COL4A5: variants seen among roughly 807,000 people sequenced by gnomAD.
The protein encoded by COL4A5 is collagen type IV alpha 5 chain, also known as collagen alpha-5(IV) chain.
A neutral mutation model predicts 130.2 loss-of-function variants in COL4A5; 26 were observed. The ratio of observed to expected loss-of-function variants is 0.20; its 90% confidence interval spans 0.15 to 0.28. The LOEUF is 0.28. COL4A5 is among the 10% of genes least tolerant of loss of function. The probability of loss-of-function intolerance (pLI) is 1.00; values close to 1 mark genes in which losing one functional copy is unlikely to be tolerated. For missense variants in COL4A5, 1,131 were observed against 1,344.3 expected, an observed-to-expected ratio of 0.84 and a Z score of 2.48; for synonymous variants, 496 against 439.6, an observed-to-expected ratio of 1.13 and a Z score of -1.60.
chrX:108,624,662 C>T (rs895437636), intron 34 of COL4A5, among the ~76,000 whole-genome samples: 1 of 112,043 alleles, frequency 8.9e-6, no homozygotes, highest in Non-Finnish European at 1.9e-5. Context: ...ACAATTATCT[C>T]ATGAAGGCCT....
chrX:108,673,871 G>A (rs994018466), intron 42 of COL4A5, among the ~76,000 whole-genome samples: 80 of 108,329 alleles, frequency 7.4e-4, no homozygotes, highest in Non-Finnish European at 1.2e-3. Flanking sequence ...GTAACACCCC[G>A]TTTCTACTAA....
chrX:108,557,836 C>G (rs1235622959), intron 2 of COL4A5, among the ~76,000 whole-genome samples: 1 of 110,583 alleles, frequency 9.0e-6, no homozygotes, highest in Non-Finnish European at 1.9e-5. Context: ...TGACCAGAGG[C>G]AGCCTTCGAG....
Position 108,584,522 on chromosome X carries a change from A to T in COL4A5, c.1029A>T (p.Gly343=), listed in dbSNP as rs1241128085. Residue 343 remains glycine (G), a synonymous_variant, in exon 18 of 53, where the codon GGA becomes GGT. Coordinates refer to ENST00000328300, the MANE Select transcript of COL4A5 (RefSeq NM_033380.3). ...ACACTGGCCCACCTGGACCTCCTGGACTTGTAAGTTTTTTTTTTTTAGTCT... is the reference window on the plus strand; with the variant it reads ...ACACTGGCCCACCTGGACCTCCTGGTCTTGTAAGTTTTTTTTTTTTAGTCT... ...KGDTGPPGPP[G]LVIPRPGTGI... The T allele has an allele frequency of 2.5e-6, 3 of 1,200,948 alleles. No individual in the cohort carries two copies. In the Admixed American group the frequency reaches 6.7e-5, roughly 27 times the overall value.
rs143743013 is a variant in COL4A5, at chrX:108,478,545, G to T, written c.81+38339G>T. ...GAGAACTTTGCCTCAGCTCTGCAAT[G>T]TATTGTCACCTAGTTGGCATTGTAT... On this transcript the variant is annotated intron_variant, in intron 1 of 52. Coordinates refer to ENST00000328300, the MANE Select transcript of COL4A5 (RefSeq NM_033380.3). Among the ~76,000 whole-genome samples, 153 of 111,557 alleles carry T rather than the reference G, an allele frequency of 1.4e-3. 1 individual carries two copies. Among genetic ancestry groups the T allele is most frequent in the African/African-American group, 4.9e-3 (150 of 30,704 alleles).
chrX:108,557,528 G>A (rs1441786219), intron 2 of COL4A5, among the ~76,000 whole-genome samples: 1 of 111,765 alleles, frequency 8.9e-6, no homozygotes. Context: ...GAAATGAAAA[G>A]TGGAAACTGA....
intron 43 of COL4A5, among the ~76,000 whole-genome samples, chrX:108,675,422 GT>G (rs1462270691): frequency 9.0e-6 from 1 of 111,449 alleles, no homozygotes; most frequent in Non-Finnish European, 1.9e-5. Context: ...TTGATTCACA[GT>G]TTATTTATTT....
At chrX:108,441,933 G>C (rs186470279) in intron 1 of COL4A5, among the ~76,000 whole-genome samples, 5 of 111,753 alleles carry the variant, frequency 4.5e-5, no homozygotes, top group South Asian at 7.6e-4. Context: ...CAAAACTTGA[G>C]AGCAAGCTTG....
At chrX:108,643,263 G>T (rs894108536) in intron 36 of COL4A5, among the ~76,000 whole-genome samples, 1 of 111,848 alleles carries the variant, frequency 8.9e-6, no homozygotes, top group African/African-American at 3.3e-5. Context: ...TGAGGAAGAA[G>T]AGAAATCTAA....
intron 37 of COL4A5, 49 bp downstream of exon 37, chrX:108,655,506 C>G: frequency 8.4e-7 from 1 of 1,187,087 alleles, no homozygotes; most frequent in Non-Finnish European, 1.1e-6. Context: ...CTTATCTACT[C>G]CAACCAGTAT....
intron 36 of COL4A5, among the ~76,000 whole-genome samples, chrX:108,639,205 T>G (rs1037991018): frequency 9.0e-6 from 1 of 110,883 alleles, no homozygotes; most frequent in Non-Finnish European, 1.9e-5. Flanking sequence ...AGACAGCAAA[T>G]AGACCAATGT....
chrX:108,483,228 T>C (rs2064909760), intron 1 of COL4A5, among the ~76,000 whole-genome samples: 2 of 109,523 alleles, frequency 1.8e-5, no homozygotes, highest in Non-Finnish European at 3.8e-5. Context: ...TGTGTATGTG[T>C]GTGTGTGTGT....
At chrX:108,570,173 A>T (rs182869698) in intron 6 of COL4A5, among the ~76,000 whole-genome samples, 167 of 111,442 alleles carry the variant, frequency 1.5e-3, no homozygotes, top group East Asian at 3.1e-3. Context: ...AATAATTTTT[A>T]AAAAAAATTT....
intron 36 of COL4A5, among the ~76,000 whole-genome samples, chrX:108,636,068 A>G (rs1169913583): frequency 8.9e-6 from 1 of 111,932 alleles, no homozygotes; most frequent in Non-Finnish European, 1.9e-5. Flanking sequence ...AAACATCAAC[A>G]TCACATAATA....
chrX:108,632,693 A>G (rs2067285424), intron 36 of COL4A5, among the ~76,000 whole-genome samples: 1 of 111,589 alleles, frequency 9.0e-6, no homozygotes, highest in Middle Eastern at 4.6e-3. Context: ...AAATAAATAA[A>G]CGTAATCCAT....
At chrX:108,549,099 A>G (rs992494358) in intron 2 of COL4A5, among the ~76,000 whole-genome samples, 2 of 111,848 alleles carry the variant, frequency 1.8e-5, no homozygotes, top group Non-Finnish European at 3.8e-5. Flanking sequence ...CTTTTCCTCT[A>G]TTTATTTAAC....
At chrX:108,637,127 G>A (rs2067370211) in intron 36 of COL4A5, among the ~76,000 whole-genome samples, 2 of 108,564 alleles carry the variant, frequency 1.8e-5, no homozygotes, top group African/African-American at 6.7e-5. Context: ...TAGAGATGGG[G>A]TTTTGCCATG....
chrX:108,518,874 G>A (rs1451100362), intron 1 of COL4A5, among the ~76,000 whole-genome samples: 1 of 110,990 alleles, frequency 9.0e-6, no homozygotes, highest in Non-Finnish European at 1.9e-5. Flanking sequence ...TTATGACAGC[G>A]AGAAGAAAAC....
intron 2 of COL4A5, among the ~76,000 whole-genome samples, chrX:108,558,071 C>T: frequency 1.4e-5 from 1 of 72,338 alleles, no homozygotes; most frequent in Non-Finnish European, 2.6e-5. Flanking sequence ...CTATCCCTCC[C>T]CCCTCCCCCC....
chrX:108,548,850 T>A (rs1379430882), intron 2 of COL4A5, among the ~76,000 whole-genome samples: 3 of 111,087 alleles, frequency 2.7e-5, no homozygotes, highest in Non-Finnish European at 5.7e-5. Context: ...TAAAAAAAAA[T>A]TTGCAAGCAC....
Sources: allele counts gnomAD v4.1 joint callset (sites outside exome capture counted in the v4.1 genomes callset), GRCh38; gene constraint gnomAD v4.1.1; transcripts MANE v1.5; gene names NCBI Gene and HGNC (gene_info 2026-07-23, HGNC 2026-07-21).